USP48: variants seen among roughly 807,000 people sequenced by gnomAD.
USP48 encodes ubiquitin carboxyl-terminal hydrolase 48.
In USP48, 43 loss-of-function variants were observed where a neutral mutation model predicts 150.7. The ratio of observed to expected loss-of-function variants is 0.29; its 90% CI spans 0.22 to 0.37. The LOEUF is 0.37. Among genes scored for constraint, USP48 ranks in the 10% least tolerant of loss-of-function variants. The pLI is 1.00. For missense variants in USP48, 813 were observed against 1,249.6 expected (o/e 0.65, Z 5.27); for synonymous variants, 396 against 425.9 (o/e 0.93, Z 0.86).
rs1415220530 is a variant in USP48 at position 21,752,977 on chromosome 1, A to T, written c.540+15T>A. The stretch of plus-strand genomic sequence containing the variant: ...CCTCTGAATATTTAAAAAAAAAAAA[A>T]AATTCAGTTCTTACCTGCTGTTGTC... On this transcript the variant is annotated intron_variant, in intron 4 of 26. Coordinates refer to ENST00000308271, the MANE Select transcript of USP48 (RefSeq NM_032236.8). 6.3e-7 allele frequency: 1 copy of T among 1,578,634 alleles called. No individual in the cohort carries two copies. The highest frequency in any genetic ancestry group is 1.4e-5 in the African/African-American group (1 of 72,520).
Position 21,782,820 on chromosome 1 carries a change from T to C in USP48, c.134+4A>G. On this transcript the variant is annotated splice_donor_region_variant and intron_variant, in intron 1 of 26. Transcript: ENST00000308271. Reference sequence around the variant, plus strand: ...GCCCGCGAGGCGCGGTGCGCGGGCCTCACCTGCACACGCCGCGAATGCAGG... The same window carrying C: ...GCCCGCGAGGCGCGGTGCGCGGGCCCCACCTGCACACGCCGCGAATGCAGG... The C allele has an allele frequency of 6.5e-7, 1 of 1,545,600 alleles. No homozygotes were observed. Among genetic ancestry groups the C allele is most frequent in the Non-Finnish European group, 8.7e-7 (1 of 1,147,102 alleles).
chr1:21,743,036 T>C (rs1260639150), intron 8 of USP48, among the ~76,000 whole-genome samples: 2 of 152,234 alleles, frequency 1.3e-5, no homozygotes, highest in Non-Finnish European at 2.9e-5. Flanking sequence ...ATATTCTGGA[T>C]ACCTTTAATA....
intron 1 of USP48, among the ~76,000 whole-genome samples, chr1:21,776,589 T>A (rs1216869816): frequency 4.0e-5 from 2 of 49,672 alleles, no homozygotes; most frequent in East Asian, 7.7e-4. Context: ...TAGTGTCTTG[T>A]CTCAAAAAAA....
chr1:21,738,681 G>T (rs934610034), intron 8 of USP48, among the ~76,000 whole-genome samples: 2 of 151,672 alleles, frequency 1.3e-5, no homozygotes, highest in Non-Finnish European at 2.9e-5. Context: ...TATAGACAGG[G>T]TCTCATTGTC....
Position 21,678,686 on chromosome 1 carries a change from T to A in USP48, c.*731A>T, listed in dbSNP as rs868035727. Reference sequence around the variant, plus strand: ...AACCGGAAGAGGATGCTTTCACACATAATAAATGTTCTCCATCCTTTCTGA... The same window carrying A: ...AACCGGAAGAGGATGCTTTCACACAAAATAAATGTTCTCCATCCTTTCTGA... On this transcript the variant is annotated 3_prime_UTR_variant, in exon 27 of 27. Coordinates refer to ENST00000308271, the MANE Select transcript of USP48 (RefSeq NM_032236.8). 6.6e-6 allele frequency: 1 copy of A among 152,216 alleles called. No individual in the cohort carries two copies. Among genetic ancestry groups the A allele is most frequent in the Non-Finnish European group, 1.5e-5 (1 of 68,064 alleles). The allele number at this position is 152,216 out of a possible 1,614,324, so 9.4% of individuals were successfully genotyped here.
intron 8 of USP48, among the ~76,000 whole-genome samples, chr1:21,737,496 T>C (rs182170385): frequency 1.3e-5 from 2 of 152,276 alleles, no homozygotes; most frequent in Admixed American, 1.3e-4. Context: ...CATCAAAATA[T>C]TGACAATAAA....
intron 1 of USP48, chr1:21,782,112 G>C (rs1159349516): frequency 6.6e-6 from 1 of 152,140 alleles, no homozygotes; most frequent in Non-Finnish European, 1.5e-5. Flanking sequence ...ACAACATTCT[G>C]AAACAAAAAC....
At chr1:21,756,205 A>G (rs985333220) in intron 3 of USP48, among the ~76,000 whole-genome samples, 3 of 148,282 alleles carry the variant, frequency 2.0e-5, no homozygotes, top group Admixed American at 6.7e-5. Context: ...TTTAGGCTAG[A>G]CACAGTGGCT....
rs1553148844 is a variant in USP48 at position 21,774,219 on chromosome 1, T to TAAG, written c.134+8604_134+8605insCTT. 2.3e-5 allele frequency among the ~76,000 whole-genome samples: 3 copies of TAAG among 132,726 alleles called. No individual in the cohort carries two copies. The South Asian group carries it at 7.6e-4, about 34-fold the overall frequency. The allele number at this position is 132,726 out of a possible 152,430, so 87.1% of individuals were successfully genotyped here. A position where few individuals can be genotyped will look rare whatever the true frequency, so the allele number is the denominator to read the frequency against. ...ATAATAATAATAATAATAATAATAA[T>TAAG]AATAAGGCAGGTATGTATTTGGGGC... is the stretch of plus-strand genomic sequence containing the variant. On this transcript the variant is annotated intron_variant, in intron 1 of 26. Transcript: ENST00000308271.
At chr1:21,700,770 T>C (rs2097653219) in intron 22 of USP48, among the ~76,000 whole-genome samples, 1 of 152,206 alleles carries the variant, frequency 6.6e-6, no homozygotes, top group Non-Finnish European at 1.5e-5. Flanking sequence ...CACGATTTCC[T>C]GTTCTCAAAA....
rs539583125 is a variant in USP48, at chr1:21,725,710, A to C, written c.1451-1615T>G. Among the ~76,000 whole-genome samples the C allele has an allele frequency of 2.0e-5, 3 of 151,440 alleles. No individual in the cohort carries two copies. The East Asian group carries it at 5.8e-4, about 29-fold the overall frequency. The stretch of plus-strand genomic sequence containing the variant: ...GGAGGTTGTGGTGAGCTGACATTGC[A>C]CCAGTGCGCTCTAGCCTGGGCAACA... On this transcript the variant is annotated intron_variant, in intron 11 of 26. Transcript: ENST00000308271.
chr1:21,756,038 G>A (rs933845794), intron 3 of USP48, among the ~76,000 whole-genome samples: 1 of 152,058 alleles, frequency 6.6e-6, no homozygotes, highest in South Asian at 2.1e-4. Flanking sequence ...GGTGGTGCAC[G>A]CCTGTAATCC....
Position 21,695,087 on chromosome 1 carries a change from C to T in USP48, c.2862G>A (p.Thr954=), listed in dbSNP as rs1012844489. 2.5e-6 allele frequency: 4 copies of T among 1,611,860 alleles called. No homozygotes were observed. Among genetic ancestry groups the T allele is most frequent in the South Asian group, 1.1e-5 (1 of 90,376 alleles). ...TCACCTGAATTTTCAATTCTTTTAACGTCTGATTAGCAGAAACGAGAAGTG... is the reference window on the plus strand; with the variant it reads ...TCACCTGAATTTTCAATTCTTTTAATGTCTGATTAGCAGAAACGAGAAGTG... ...EKALLVSANQ[T]LKELKIQIMH... is the part of the protein sequence containing the mutation. Residue 954 remains threonine (T), a synonymous_variant, in exon 23 of 27, where the codon ACG becomes ACA. Transcript: ENST00000308271.
At position 21,723,879 on chromosome 1, in the gene USP48, A is replaced by C; in HGVS notation, c.1648+19T>G. On this transcript the variant is annotated intron_variant, in intron 12 of 26. Transcript: ENST00000308271. ...TAATGAGCTGCTCTTTTTTAAACAGAGAGGACATCTTGAATTACCAGTTAG... is the reference window on the plus strand; with the variant it reads ...TAATGAGCTGCTCTTTTTTAAACAGCGAGGACATCTTGAATTACCAGTTAG... The C allele has an allele frequency of 6.2e-7, 1 of 1,602,364 alleles. No homozygotes were observed. Among genetic ancestry groups the C allele is most frequent in the South Asian group, 1.1e-5 (1 of 90,540 alleles).
At position 21,695,207 on chromosome 1, in the gene USP48, T is replaced by C. The variant is rs753245498; in HGVS notation, c.2742A>G (p.Thr914=). The C allele has an allele frequency of 1.2e-6, 2 of 1,611,718 alleles. No homozygotes were observed. Among genetic ancestry groups the C allele is most frequent in the South Asian group, 2.2e-5 (2 of 90,566 alleles). The change falls in exon 23 of 27, where the codon ACA becomes ACG. Residue 914 remains threonine (T), a synonymous_variant. Coordinates refer to ENST00000308271, the MANE Select transcript of USP48 (RefSeq NM_032236.8). Reference sequence around the variant, plus strand: ...TTTGATGGGATATCTTTTGCCGCTTTGTTCCACCATTGCTCTATAATGAAG... The same window carrying C: ...TTTGATGGGATATCTTTTGCCGCTTCGTTCCACCATTGCTCTATAATGAAG... ...DPDFNQSNGG[T]KRQKISHQNY...
chr1:21,730,570 T>C (rs1206350035), intron 9 of USP48, among the ~76,000 whole-genome samples: 1 of 151,236 alleles, frequency 6.6e-6, no homozygotes, highest in African/African-American at 2.4e-5. Context: ...GGCACATGCC[T>C]GTAATCCCAG....
At chr1:21,767,178 T>C (rs2097864223) in intron 1 of USP48, among the ~76,000 whole-genome samples, 1 of 152,158 alleles carries the variant, frequency 6.6e-6, no homozygotes, top group Non-Finnish European at 1.5e-5. Flanking sequence ...GCCTTCCAAA[T>C]AGCTGGGACC....
intron 26 of USP48, among the ~76,000 whole-genome samples, chr1:21,680,364 C>G (rs1362592663): frequency 6.6e-6 from 1 of 152,194 alleles, no homozygotes; most frequent in Non-Finnish European, 1.5e-5. Flanking sequence ...CAACAAATGC[C>G]TTAATGCTAA....
intron 6 of USP48, among the ~76,000 whole-genome samples, chr1:21,749,477 C>T (rs970228973): frequency 6.6e-6 from 1 of 152,170 alleles, no homozygotes; most frequent in African/African-American, 2.4e-5. Context: ...CCTCCCAGGT[C>T]CTCCCTATCT....
Sources: gnomAD v4.1 joint callset for allele counts (sites outside exome capture counted in the v4.1 genomes callset) on GRCh38, gnomAD v4.1.1 for gene constraint, MANE v1.5 for transcripts, NCBI Gene and HGNC (gene_info 2026-07-23, HGNC 2026-07-21) for gene names.